The following ZHX2 variants were observed in gnomAD, a reference collection of about 807,000 sequenced individuals.
ZHX2 encodes zinc fingers and homeoboxes protein 2.
A neutral mutation model predicts 21.9 loss-of-function variants in ZHX2; 6 were observed. That is an observed-to-expected ratio of 0.27 (90% CI 0.15 to 0.54). The LOEUF is 0.54. Among genes scored for constraint, ZHX2 ranks in the 20% least tolerant of loss-of-function variants. ZHX2 has a pLI of 0.95. For missense variants in ZHX2, 908 were observed against 1,090.7 expected (o/e 0.83, Z 2.36); for synonymous variants, 434 against 437.1 (o/e 0.99, Z 0.09).
chr8:122,855,091 T>C (rs572641219), intron 1 of ZHX2, among the ~76,000 whole-genome samples: 114 of 152,332 alleles, frequency 7.5e-4, no homozygotes, highest in African/African-American at 2.6e-3. Flanking sequence ...GGTGGAATCT[T>C]AGCTCTGGCC....
At position 122,953,901 on chromosome 8, in the gene ZHX2, G is replaced by T. The variant is rs113010849; in HGVS notation, c.2391G>T (p.Thr797=). The change falls in exon 3 of 4, where the codon ACG becomes ACT. Residue 797 remains threonine (T), a synonymous_variant. Coordinates refer to ENST00000314393, the MANE Select transcript of ZHX2 (RefSeq NM_014943.5). The surrounding 1 kb of genome is among the most constrained non-coding windows in gnomAD (Gnocchi z 4.6). ...ESSVVDYVEV[T]VGEEDAISDR... The stretch of plus-strand genomic sequence containing the variant: ...GCGTTGTGGATTACGTGGAGGTGAC[G>T]GTCGGGGAGGAGGATGCGATCTCAG... The T allele has an allele frequency of 6.2e-7, 1 of 1,614,062 alleles. No individual in the cohort carries two copies.
chr8:122,948,116 A>G (rs922163463), intron 2 of ZHX2, among the ~76,000 whole-genome samples: 5 of 152,070 alleles, frequency 3.3e-5, no homozygotes, highest in Admixed American at 6.5e-5. Context: ...CCCTTTCCCC[A>G]GCCCTGGCCA....
chr8:122,878,525 C>T (rs1324280437), intron 2 of ZHX2, among the ~76,000 whole-genome samples: 1 of 152,166 alleles, frequency 6.6e-6, no homozygotes, highest in African/African-American at 2.4e-5. Flanking sequence ...CTCCAGCAGT[C>T]TCACCCAGGC....
At chr8:122,958,997 G>A (rs1288251639) in intron 3 of ZHX2, among the ~76,000 whole-genome samples, 1 of 152,184 alleles carries the variant, frequency 6.6e-6, no homozygotes, top group East Asian at 1.9e-4. Context: ...AGGAGGGGGA[G>A]AGGTGGCTTT....
At chr8:122,858,195 G>C (rs542208520) in intron 1 of ZHX2, among the ~76,000 whole-genome samples, 2 of 152,126 alleles carry the variant, frequency 1.3e-5, no homozygotes, top group Admixed American at 1.3e-4. Context: ...TGTCTCTCTC[G>C]TGTGCTCCCT....
intron 2 of ZHX2, among the ~76,000 whole-genome samples, chr8:122,944,592 C>G (rs1230452772): frequency 6.6e-6 from 1 of 152,158 alleles, no homozygotes; most frequent in African/African-American, 2.4e-5. Context: ...TTAATGTGTT[C>G]CCTGCCTTAC....
chr8:122,831,480 G>T (rs181633819), intron 1 of ZHX2, among the ~76,000 whole-genome samples: 1 of 152,196 alleles, frequency 6.6e-6, no homozygotes, highest in South Asian at 2.1e-4. Flanking sequence ...AGAACGAAGC[G>T]CCCTTCTTTG....
chr8:122,860,444 A>G (rs934211948), intron 1 of ZHX2, among the ~76,000 whole-genome samples: 11 of 152,212 alleles, frequency 7.2e-5, no homozygotes, highest in African/African-American at 1.9e-4. Context: ...CAAAAATCAC[A>G]GAGATTTGGG....
intron 2 of ZHX2, among the ~76,000 whole-genome samples, chr8:122,911,102 C>G (rs1820470050): frequency 6.6e-6 from 1 of 152,200 alleles, no homozygotes; most frequent in Non-Finnish European, 1.5e-5. Flanking sequence ...GTACATCGGT[C>G]TACACACACG....
rs1817317109 is a variant in ZHX2, at chr8:122,782,726, G to T, written c.-283+780G>T. On this transcript the variant is annotated intron_variant, in intron 1 of 3. Coordinates refer to ENST00000314393, the MANE Select transcript of ZHX2 (RefSeq NM_014943.5). The surrounding 1 kb of genome is among the most constrained non-coding windows in gnomAD (Gnocchi z 5.3). ...CCGCTCAGGTGCAGGGGGAGTCCGCGCGGGGCGGGGGGCCGAGGGCGGCCG... is the reference window on the plus strand; with the variant it reads ...CCGCTCAGGTGCAGGGGGAGTCCGCTCGGGGCGGGGGGCCGAGGGCGGCCG... Among the ~76,000 whole-genome samples, 1 of 152,068 alleles carries T rather than the reference G, an allele frequency of 6.6e-6. No individual in the cohort carries two copies. Among genetic ancestry groups the T allele is most frequent in the African/African-American group, 2.4e-5 (1 of 41,436 alleles).
chr8:122,934,582 T>C (rs1326888086), intron 2 of ZHX2, among the ~76,000 whole-genome samples: 1 of 152,198 alleles, frequency 6.6e-6, no homozygotes, highest in African/African-American at 2.4e-5. Flanking sequence ...TCTCCCTTCA[T>C]GGCATTTGGG....
chr8:122,792,531 T>C (rs1476600876), intron 1 of ZHX2, among the ~76,000 whole-genome samples: 1 of 152,212 alleles, frequency 6.6e-6, no homozygotes, highest in African/African-American at 2.4e-5. Context: ...ATGTTTAACT[T>C]TTTGAGAAAC....
chr8:122,949,663 G>A (rs1563599643), intron 2 of ZHX2, among the ~76,000 whole-genome samples: 1 of 152,066 alleles, frequency 6.6e-6, no homozygotes, highest in African/African-American at 2.4e-5. Context: ...GGACAACATG[G>A]CAAAACCCCT....
chr8:122,928,803 G>A (rs916205717), intron 2 of ZHX2, among the ~76,000 whole-genome samples: 6 of 152,204 alleles, frequency 3.9e-5, no homozygotes, highest in African/African-American at 1.4e-4. Flanking sequence ...GATGACTCTT[G>A]TGTTTGCCAA....
chr8:122,844,747 GT>G (rs1414344666), intron 1 of ZHX2, among the ~76,000 whole-genome samples: 6 of 152,192 alleles, frequency 3.9e-5, no homozygotes, highest in African/African-American at 1.4e-4. Context: ...GTGTCTGTCT[GT>G]CTGTCTCACA....
rs149485512 is a variant in ZHX2, at chr8:122,881,649, A to C, written c.-220+18110A>C. On this transcript the variant is annotated intron_variant, in intron 2 of 3. Coordinates refer to ENST00000314393, the MANE Select transcript of ZHX2 (RefSeq NM_014943.5). ...TTTGGGGCATGGGGGTGAAACCGCA[A>C]AAGGCATCTCATGATGACAACATTT... Among the ~76,000 whole-genome samples, 232 of 152,326 alleles carry C rather than the reference A, an allele frequency of 1.5e-3. 2 individuals carry two copies. The highest frequency in any genetic ancestry group is 5.5e-3 in the African/African-American group (229 of 41,568).
In ZHX2 at chr8:122,952,530, A is replaced by C. The variant is rs200180193; in HGVS notation, c.1020A>C (p.Ser340=). ...AGATGTTCAACGGCACCATCCAGTC[A>C]GTACCCCCGACCATCACTGTGCTGC... is the stretch of plus-strand genomic sequence containing the variant. The part of the protein sequence containing the change: ...RKKMFNGTIQ[S]VPPTITVLPA... The change falls in exon 3 of 4, where the codon TCA becomes TCC. Residue 340 remains serine (S), a synonymous_variant. Coordinates refer to ENST00000314393, the MANE Select transcript of ZHX2 (RefSeq NM_014943.5). The surrounding 1 kb of genome is among the most constrained non-coding windows in gnomAD (Gnocchi z 6.9). 8 of 1,614,098 alleles carry C rather than the reference A, an allele frequency of 5.0e-6. No homozygotes were observed. The Admixed American group carries it at 6.7e-5, about 13-fold the overall frequency.
At chr8:122,918,494 C>G (rs944618432) in intron 2 of ZHX2, among the ~76,000 whole-genome samples, 3 of 152,230 alleles carry the variant, frequency 2.0e-5, no homozygotes, top group Middle Eastern at 3.2e-3. Flanking sequence ...CATCCCACTT[C>G]TGTTGCACTT....
intron 1 of ZHX2, among the ~76,000 whole-genome samples, chr8:122,842,103 C>G (rs550127711): frequency 6.6e-6 from 1 of 152,220 alleles, no homozygotes; most frequent in Non-Finnish European, 1.5e-5. Context: ...GAAGCGAGAC[C>G]TATAGCTCAA....
Sources: allele counts gnomAD v4.1 joint callset (sites outside exome capture counted in the v4.1 genomes callset), GRCh38; gene constraint gnomAD v4.1.1; non-coding constraint Gnocchi (gnomAD v3.1); transcripts MANE v1.5; gene names NCBI Gene and HGNC (gene_info 2026-07-23, HGNC 2026-07-21).